The following NCEH1 variants were observed in gnomAD, a reference collection of about 807,000 sequenced individuals.
NCEH1 encodes 2-acetyl MAGE hydrolase.
A neutral mutation model predicts 25.4 loss-of-function variants in NCEH1; 9 were observed. The observed-to-expected ratio is 0.35, with a 90% CI of 0.21 to 0.62. The LOEUF (loss-of-function observed/expected upper bound fraction) is 0.62. NCEH1 is among the 20% of genes least tolerant of loss of function. The pLI, the probability that NCEH1 is intolerant of heterozygous loss-of-function variation, is 0.72. For synonymous variants in NCEH1, 200 were observed against 199.8 expected, an observed-to-expected ratio of 1.00 and a Z score of -0.01; for missense variants, 412 against 501.1, an observed-to-expected ratio of 0.82 and a Z score of 1.70.
chr3:172,656,169 G>C (rs1228253244), intron 1 of NCEH1, among the ~76,000 whole-genome samples: 2 of 152,110 alleles, frequency 1.3e-5, no homozygotes, highest in Non-Finnish European at 2.9e-5. Context: ...GAAAGAGAGA[G>C]AGTAAATGCA....
At chr3:172,658,310 T>C (rs1215454518) in intron 1 of NCEH1, among the ~76,000 whole-genome samples, 1 of 152,178 alleles carries the variant, frequency 6.6e-6, no homozygotes, top group African/African-American at 2.4e-5. Context: ...ACCATAAAAA[T>C]GGGCACCTGC....
chr3:172,707,547 C>T lies in NCEH1; in HGVS notation c.138+3300G>A, dbSNP rs1340911388. ...GAGCAGTGGTTCTCAAGTTTTGCTG[C>T]AATGAAGATCATCTGGGGAACTTTT... On this transcript the variant is annotated intron_variant, in intron 1 of 4. Transcript: ENST00000475381. Among the ~76,000 whole-genome samples, 5 of 152,272 alleles carry T rather than the reference C, an allele frequency of 3.3e-5. No individual in the cohort carries two copies. In the South Asian group the frequency reaches 1.0e-3, roughly 32 times the overall value.
chr3:172,704,276 T>C (rs1713857638), intron 1 of NCEH1, among the ~76,000 whole-genome samples: 2 of 152,232 alleles, frequency 1.3e-5, no homozygotes, highest in Admixed American at 6.5e-5. Flanking sequence ...AAAAGCACTG[T>C]CACCCATAAG....
rs527886796 is a variant in NCEH1 at position 172,631,988 on chromosome 3, A to G, written c.*1487T>C. 1 of 152,776 alleles carries G rather than the reference A, an allele frequency of 6.5e-6. No individual in the cohort carries two copies. Among genetic ancestry groups the G allele is most frequent in the African/African-American group, 2.4e-5 (1 of 41,584 alleles). The allele number at this position is 152,776 out of a possible 1,614,324, so 9.5% of individuals were successfully genotyped here. The stretch of plus-strand genomic sequence containing the variant: ...TTCCCACTGGCAGTGAAGACTTTAC[A>G]TGAAGTTAAGCTTGGGCTGTTGAAA... On this transcript the variant is annotated 3_prime_UTR_variant, in exon 5 of 5. Coordinates refer to ENST00000475381, the MANE Select transcript of NCEH1 (RefSeq NM_020792.6).
At chr3:172,666,353 T>C (rs1372877068) in intron 1 of NCEH1, among the ~76,000 whole-genome samples, 1 of 152,162 alleles carries the variant, frequency 6.6e-6, no homozygotes, top group African/African-American at 2.4e-5. Context: ...TTTTGCAGGC[T>C]ACATAAATGA....
rs1298386520 is a variant in NCEH1, at chr3:172,630,754, T to C, written c.*2721A>G. 1 of 152,230 alleles carries C rather than the reference T, an allele frequency of 6.6e-6. No homozygotes were observed. 9.4% of individuals were successfully genotyped at this position (152,230 alleles called of 1,614,324 possible). A position where few individuals can be genotyped will look rare whatever the true frequency, so the allele number is the denominator to read the frequency against. On this transcript the variant is annotated 3_prime_UTR_variant, in exon 5 of 5. Coordinates refer to ENST00000475381, the MANE Select transcript of NCEH1 (RefSeq NM_020792.6). ...TTCACTTTATAAAATATATTTGCTA[T>C]TAAAATCATTCATAAAATCTACCTT... is the stretch of plus-strand genomic sequence containing the variant.
chr3:172,676,612 C>T (rs945427251), intron 1 of NCEH1, among the ~76,000 whole-genome samples: 1 of 152,128 alleles, frequency 6.6e-6, no homozygotes, highest in South Asian at 2.1e-4. Context: ...TTCGAATCCC[C>T]CCTCCCTTTG....
intron 3 of NCEH1, among the ~76,000 whole-genome samples, chr3:172,642,157 C>CTT (rs1413064150): frequency 6.6e-6 from 1 of 150,776 alleles, no homozygotes; most frequent in Non-Finnish European, 1.5e-5. Context: ...CTCTGAACTG[C>CTT]TTTTTTTTTC....
At chr3:172,680,252 G>A (rs1488222514) in intron 1 of NCEH1, among the ~76,000 whole-genome samples, 1 of 152,130 alleles carries the variant, frequency 6.6e-6, no homozygotes, top group Non-Finnish European at 1.5e-5. Flanking sequence ...AGGCATCTTG[G>A]GGCAACACTG....
chr3:172,674,358 G>A (rs918257801), intron 1 of NCEH1, among the ~76,000 whole-genome samples: 6 of 150,086 alleles, frequency 4.0e-5, no homozygotes, highest in Non-Finnish European at 5.9e-5. Flanking sequence ...CAGAAGAATC[G>A]CTTGAACCCG....
intron 3 of NCEH1, 99 bp from the exon 4 acceptor site, chr3:172,636,186 TAAG>T (rs1384376711): frequency 3.0e-6 from 2 of 666,134 alleles, no homozygotes; most frequent in Non-Finnish European, 5.1e-6. Flanking sequence ...TGGAAATAGA[TAAG>T]AAATTAATTC....
intron 1 of NCEH1, among the ~76,000 whole-genome samples, chr3:172,701,968 T>C (rs1713718576): frequency 6.6e-6 from 1 of 152,110 alleles, no homozygotes; most frequent in Non-Finnish European, 1.5e-5. Flanking sequence ...TCTAAACCAC[T>C]TGTAGTTCCT....
intron 1 of NCEH1, among the ~76,000 whole-genome samples, chr3:172,678,836 A>AC (rs756989121): frequency 2.6e-5 from 4 of 151,940 alleles, no homozygotes; most frequent in Non-Finnish European, 5.9e-5. Flanking sequence ...TTCAACCCTC[A>AC]CCCCCGTTTG....
chr3:172,667,289 G>C (rs183763455), intron 1 of NCEH1, among the ~76,000 whole-genome samples: 1 of 152,182 alleles, frequency 6.6e-6, no homozygotes, highest in African/African-American at 2.4e-5. Context: ...TTTTAAGTAC[G>C]GAAGTTAACC....
chr3:172,642,379 T>G (rs1195660657), intron 3 of NCEH1, among the ~76,000 whole-genome samples: 1 of 151,952 alleles, frequency 6.6e-6, no homozygotes, highest in African/African-American at 2.4e-5. Flanking sequence ...TTTTGCCATA[T>G]TGTCCAGGCT....
chr3:172,699,832 T>C (rs563377), intron 1 of NCEH1, among the ~76,000 whole-genome samples: 56,695 of 151,968 alleles, frequency 0.37, 10,870 homozygotes, highest in Non-Finnish European at 0.42. Flanking sequence ...TACCACTGCA[T>C]TCCAGCCTGC....
At chr3:172,675,479 CAT>C (rs1303429228) in intron 1 of NCEH1, among the ~76,000 whole-genome samples, 1 of 149,790 alleles carries the variant, frequency 6.7e-6, no homozygotes, top group African/African-American at 2.5e-5. Flanking sequence ...AAATACTTGT[CAT>C]AAAAGGAAAT....
At chr3:172,672,354 C>T (rs1004485790) in intron 1 of NCEH1, among the ~76,000 whole-genome samples, 5 of 152,146 alleles carry the variant, frequency 3.3e-5, no homozygotes, top group Non-Finnish European at 5.9e-5. Context: ...TGAGAGCCAC[C>T]GCACCTGGCC....
At chr3:172,655,262 C>T (rs957597760) in intron 1 of NCEH1, among the ~76,000 whole-genome samples, 2 of 152,158 alleles carry the variant, frequency 1.3e-5, no homozygotes, top group Non-Finnish European at 2.9e-5. Context: ...TTAAAACTTG[C>T]CTCCATAACC....
Sources: allele counts gnomAD v4.1 joint callset (sites outside exome capture counted in the v4.1 genomes callset), GRCh38; gene constraint gnomAD v4.1.1; transcripts MANE v1.5; gene names NCBI Gene and HGNC (gene_info 2026-07-23, HGNC 2026-07-21).